Variants in RFTN2 observed in about 807,000 individuals in gnomAD.
RFTN2 encodes the protein raftlin-2.
A neutral mutation model predicts 52.7 loss-of-function variants in RFTN2; 34 were observed. The observed-to-expected ratio is 0.64, with a 90% CI of 0.49 to 0.86. The LOEUF is 0.86. RFTN2 is among the 40% of genes least tolerant of loss of function. RFTN2 has a pLI of 0.00. For synonymous variants in RFTN2, 203 were observed against 217.7 expected (o/e 0.93, Z 0.59); for missense variants, 536 against 600.1 (o/e 0.89, Z 1.12).
intron 5 of RFTN2, among the ~76,000 whole-genome samples, chr2:197,627,198 G>C (rs2088378929): frequency 6.6e-6 from 1 of 152,106 alleles, no homozygotes; most frequent in South Asian, 2.1e-4. Context: ...CTCCGGCCTA[G>C]AATGGCCTAC....
rs188133635 is a variant in RFTN2 at position 197,600,837 on chromosome 2, C to G, written c.1155-4768G>C. ...TGGTTCTGTTTTAGACTTTAATGGA[C>G]AGTCATGCTTTGATGTATTAGAAAA... is the stretch of plus-strand genomic sequence containing the variant. On this transcript the variant is annotated intron_variant, in intron 7 of 8. Coordinates refer to ENST00000295049, the MANE Select transcript of RFTN2 (RefSeq NM_144629.3). 5.1e-4 allele frequency among the ~76,000 whole-genome samples: 77 copies of G among 152,284 alleles called. 2 individuals carry two copies. In the South Asian group the frequency reaches 8.3e-3, roughly 16 times the overall value.
intron 8 of RFTN2, among the ~76,000 whole-genome samples, chr2:197,589,643 C>T (rs1430027032): frequency 6.6e-6 from 1 of 152,150 alleles, no homozygotes; most frequent in Non-Finnish European, 1.5e-5. Context: ...GTATTTACTT[C>T]TCATTTACAT....
At chr2:197,666,145 T>C (rs1011503058) in intron 1 of RFTN2, among the ~76,000 whole-genome samples, 15 of 151,944 alleles carry the variant, frequency 9.9e-5, no homozygotes, top group Admixed American at 1.3e-4. Flanking sequence ...AGTGCAGTGG[T>C]GTGATCTTGG....
chr2:197,586,297 G>A (rs1236719816), intron 8 of RFTN2, among the ~76,000 whole-genome samples: 1 of 151,914 alleles, frequency 6.6e-6, no homozygotes, highest in Non-Finnish European at 1.5e-5. Flanking sequence ...CATGAAAATC[G>A]AACCTCCCCC....
chr2:197,617,174 C>T (rs2088158616), intron 6 of RFTN2, among the ~76,000 whole-genome samples: 1 of 152,168 alleles, frequency 6.6e-6, no homozygotes. Context: ...AGATAAAACA[C>T]TAGTTGAGTG....
chr2:197,643,701 AG>A (rs905151160), intron 3 of RFTN2, among the ~76,000 whole-genome samples: 1 of 152,098 alleles, frequency 6.6e-6, no homozygotes, highest in Non-Finnish European at 1.5e-5. Context: ...TTTTAAGCTT[AG>A]TTTTCCTAGT....
intron 1 of RFTN2, among the ~76,000 whole-genome samples, chr2:197,660,692 A>T (rs545261823): frequency 1.3e-4 from 19 of 151,520 alleles, no homozygotes; most frequent in Non-Finnish European, 2.7e-4. Flanking sequence ...AGTAGCTGGG[A>T]TTACAGGTGT....
At chr2:197,603,123 A>G (rs1057423454) in intron 7 of RFTN2, among the ~76,000 whole-genome samples, 2 of 152,228 alleles carry the variant, frequency 1.3e-5, no homozygotes, top group Non-Finnish European at 2.9e-5. Context: ...ACCTAATGCT[A>G]AATGATGAGT....
intron 8 of RFTN2, among the ~76,000 whole-genome samples, chr2:197,588,182 G>A (rs1255326580): frequency 6.6e-6 from 1 of 152,114 alleles, no homozygotes; most frequent in African/African-American, 2.4e-5. Context: ...AAATACAACT[G>A]TTAAAACCTC....
chr2:197,637,529 G>C lies in RFTN2; in HGVS notation c.439-3532C>G, dbSNP rs977845668. Among the ~76,000 whole-genome samples the C allele has an allele frequency of 7.0e-4, 106 of 152,316 alleles. 2 individuals carry two copies. The South Asian group carries it at 0.01, about 15-fold the overall frequency. ...CTAGATTTTCTAGTTTATTTGCATA[G>C]AGGTGTTTGTAGTATTCTCTGATGG... On this transcript the variant is annotated intron_variant, in intron 3 of 8. Coordinates refer to ENST00000295049, the MANE Select transcript of RFTN2 (RefSeq NM_144629.3).
chr2:197,607,975 A>G (rs187447999), intron 7 of RFTN2, among the ~76,000 whole-genome samples: 1 of 152,368 alleles, frequency 6.6e-6, no homozygotes, highest in East Asian at 1.9e-4. Context: ...TCACAGCAAG[A>G]TTACTATGAG....
chr2:197,647,359 G>A (rs2088768229), intron 1 of RFTN2, among the ~76,000 whole-genome samples: 1 of 152,042 alleles, frequency 6.6e-6, no homozygotes. Context: ...ATAGGTGCAT[G>A]CCACCACACC....
intron 1 of RFTN2, among the ~76,000 whole-genome samples, chr2:197,654,008 T>A (rs1451558704): frequency 6.6e-6 from 1 of 152,228 alleles, no homozygotes; most frequent in East Asian, 1.9e-4. Flanking sequence ...TAGAAAGCTG[T>A]CATACAAATA....
At chr2:197,588,127 A>C (rs2087631194) in intron 8 of RFTN2, 1 of 409,814 alleles carries the variant, frequency 2.4e-6, no homozygotes, top group African/African-American at 2.1e-5. Context: ...AAATGTGACA[A>C]AAACAAAGAA....
intron 3 of RFTN2, among the ~76,000 whole-genome samples, chr2:197,634,463 T>C (rs1026337258): frequency 6.6e-6 from 1 of 151,938 alleles, no homozygotes; most frequent in Non-Finnish European, 1.5e-5. Context: ...CAAAGAAAAA[T>C]GTTAAAAGAC....
chr2:197,589,342 T>C (rs990031520), intron 8 of RFTN2, among the ~76,000 whole-genome samples: 10 of 150,716 alleles, frequency 6.6e-5, no homozygotes, highest in African/African-American at 2.4e-4. Flanking sequence ...GCCATGATTG[T>C]GAGGCCTCCT....
chr2:197,634,886 C>G (rs376481899), intron 3 of RFTN2, among the ~76,000 whole-genome samples: 1 of 121,758 alleles, frequency 8.2e-6, no homozygotes, highest in Non-Finnish European at 1.7e-5. Context: ...TAGCTCCCCC[C>G]TCCCCCCACC....
In RFTN2 at chr2:197,591,812, G is replaced by C. The variant is rs370666734; in HGVS notation, c.1233+4179C>G. On this transcript the variant is annotated intron_variant, in intron 8 of 8. Coordinates refer to ENST00000295049, the MANE Select transcript of RFTN2 (RefSeq NM_144629.3). ...AGCTGCTGGCCTGGGTGCTAACAAT[G>C]CCTGGGGCCAGCCGGCCGCTCTGAG... 2.2e-4 allele frequency among the ~76,000 whole-genome samples: 34 copies of C among 152,288 alleles called. No homozygotes were observed. In the East Asian group the frequency reaches 6.0e-3, roughly 27 times the overall value.
Position 197,638,160 on chromosome 2 carries a change from T to G in RFTN2, c.439-4163A>C, listed in dbSNP as rs545839086. On this transcript the variant is annotated intron_variant, in intron 3 of 8. Transcript: ENST00000295049. ...TGCTGAGGAGAGCTTTACTTCCAAC[T>G]ATGTGGTCAATTTTGGAATAGGTGT... Among the ~76,000 whole-genome samples the G allele has an allele frequency of 2.9e-5, 4 of 138,614 alleles. No homozygotes were observed. The East Asian group carries it at 8.4e-4, about 29-fold the overall frequency. 90.9% of individuals were successfully genotyped at this position (138,614 alleles called of 152,430 possible). A position where few individuals can be genotyped will look rare whatever the true frequency, so the allele number is the denominator to read the frequency against.
Sources: gnomAD v4.1 joint callset for allele counts (sites outside exome capture counted in the v4.1 genomes callset) on GRCh38, gnomAD v4.1.1 for gene constraint, MANE v1.5 for transcripts, NCBI Gene and HGNC (gene_info 2026-07-23, HGNC 2026-07-21) for gene names.